Variants in PLPP4 observed in about 807,000 individuals in gnomAD.
PLPP4 encodes the protein diacylglycerol pyrophosphate like 2.
A neutral mutation model predicts 32.2 loss-of-function variants in PLPP4; 20 were observed. The ratio of observed to expected loss-of-function variants is 0.62; its 90% CI spans 0.44 to 0.90. The LOEUF (loss-of-function observed/expected upper bound fraction) is 0.90, where lower values mean the gene tolerates loss of function less well. Among genes scored for constraint, PLPP4 ranks in the 40% least tolerant of loss-of-function variants. The probability of loss-of-function intolerance (pLI) is 0.00; values close to 1 mark genes in which losing one functional copy is unlikely to be tolerated. For missense variants in PLPP4, 257 were observed against 353.1 expected, an observed-to-expected ratio of 0.73 and a Z score of 2.18; for synonymous variants, 127 against 133.0, an observed-to-expected ratio of 0.95 and a Z score of 0.31.
At chr10:120,545,629 G>A (rs1207366785) in intron 5 of PLPP4, among the ~76,000 whole-genome samples, 3 of 152,184 alleles carry the variant, frequency 2.0e-5, no homozygotes, top group South Asian at 2.1e-4. Context: ...CAGAAGTGGG[G>A]TCCTGAATGT....
chr10:120,509,224 A>G (rs560160544), intron 2 of PLPP4, among the ~76,000 whole-genome samples: 1 of 152,348 alleles, frequency 6.6e-6, no homozygotes, highest in East Asian at 1.9e-4. Flanking sequence ...TGCCAATAAT[A>G]CTTGCCATGG....
chr10:120,500,825 A>G (rs1589773427), intron 1 of PLPP4, among the ~76,000 whole-genome samples: 1 of 152,310 alleles, frequency 6.6e-6, no homozygotes, highest in Non-Finnish European at 1.5e-5. Context: ...CTTACAAACA[A>G]GATCATTGAC....
intron 5 of PLPP4, 83 bp downstream of exon 5, chr10:120,521,178 G>A (rs1050379615): frequency 2.0e-6 from 3 of 1,528,336 alleles, no homozygotes; most frequent in South Asian, 1.2e-5. Flanking sequence ...GCAGAGAAAA[G>A]CACTGGTACA....
At chr10:120,580,359 T>C (rs959597399) in intron 6 of PLPP4, among the ~76,000 whole-genome samples, 8 of 152,110 alleles carry the variant, frequency 5.3e-5, no homozygotes, top group African/African-American at 1.9e-4. Flanking sequence ...GTCATGGCAA[T>C]TGTCAACTGT....
At chr10:120,505,879 A>G (rs1845466626) in intron 2 of PLPP4, among the ~76,000 whole-genome samples, 1 of 152,228 alleles carries the variant, frequency 6.6e-6, no homozygotes, top group African/African-American at 2.4e-5. Context: ...GCTTCTATTT[A>G]TCAGTTACTC....
chr10:120,514,331 C>T (rs1252485930), intron 3 of PLPP4, among the ~76,000 whole-genome samples: 2 of 152,188 alleles, frequency 1.3e-5, no homozygotes, highest in Non-Finnish European at 2.9e-5. Flanking sequence ...TTTGTTGCCT[C>T]TGACTGTCCA....
intron 1 of PLPP4, among the ~76,000 whole-genome samples, chr10:120,468,084 C>T (rs115281947): frequency 0.021 from 1,358 of 64,936 alleles, 435 homozygotes; most frequent in African/African-American, 0.043. Flanking sequence ...TTGTTGTGGC[C>T]GCATAGTAGT....
At chr10:120,519,142 T>C (rs1846051161) in intron 4 of PLPP4, among the ~76,000 whole-genome samples, 2 of 152,224 alleles carry the variant, frequency 1.3e-5, no homozygotes, top group South Asian at 4.1e-4. Flanking sequence ...CAAAGCTTAC[T>C]GCTGGCATTT....
At chr10:120,461,425 A>G (rs1848042314) in intron 1 of PLPP4, among the ~76,000 whole-genome samples, 1 of 152,180 alleles carries the variant, frequency 6.6e-6, no homozygotes, top group Non-Finnish European at 1.5e-5. Flanking sequence ...TTTCACTTGT[A>G]GGCTTGAGTT....
chr10:120,478,520 A>G (rs547975017), intron 1 of PLPP4, among the ~76,000 whole-genome samples: 2 of 152,386 alleles, frequency 1.3e-5, no homozygotes, highest in Middle Eastern at 3.4e-3. Flanking sequence ...TATGATACAC[A>G]GAGAAAATGG....
At chr10:120,466,469 T>C (rs1275765396) in intron 1 of PLPP4, among the ~76,000 whole-genome samples, 3 of 152,046 alleles carry the variant, frequency 2.0e-5, no homozygotes, top group African/African-American at 4.8e-5. Context: ...CAAAAACGTA[T>C]TCAACAAAAA....
intron 1 of PLPP4, among the ~76,000 whole-genome samples, chr10:120,471,271 T>C (rs1848506097): frequency 1.3e-5 from 2 of 152,174 alleles, no homozygotes; most frequent in Admixed American, 1.3e-4. Flanking sequence ...TATTTTGTGT[T>C]ATTAAAACCA....
At chr10:120,489,099 T>A (rs1339047873) in intron 1 of PLPP4, among the ~76,000 whole-genome samples, 1 of 152,218 alleles carries the variant, frequency 6.6e-6, no homozygotes. Flanking sequence ...TCTCATTTAC[T>A]GCATGAATAA....
chr10:120,553,821 A>T (rs1016016974), intron 5 of PLPP4, among the ~76,000 whole-genome samples: 5 of 152,176 alleles, frequency 3.3e-5, no homozygotes, highest in Admixed American at 3.3e-4. Flanking sequence ...TCCCCAGGTT[A>T]CTCAGGGCAG....
Position 120,457,321 on chromosome 10 carries a change from A to C in PLPP4, c.16A>C (p.Ile6Leu). Residue 6 changes from isoleucine to leucine, a missense_variant, in exon 1 of 7, where the codon ATT (isoleucine) becomes CTT (leucine). Ile to Leu is a conservative substitution (Grantham distance 5). Transcript: ENST00000398250. MRELA[I>L]EIGVRALLFG... ...CGGCCGCACCATGCGGGAGCTGGCC[A>C]TTGAGATCGGGGTGCGAGCCCTGCT... 1 of 1,533,072 alleles carries C rather than the reference A, an allele frequency of 6.5e-7. No individual in the cohort carries two copies. Among genetic ancestry groups the C allele is most frequent in the Non-Finnish European group, 8.8e-7 (1 of 1,138,734 alleles). The allele number at this position is 1,533,072 out of a possible 1,614,324, so 95.0% of individuals were successfully genotyped here. A position where few individuals can be genotyped will look rare whatever the true frequency, so the allele number is the denominator to read the frequency against.
intron 1 of PLPP4, among the ~76,000 whole-genome samples, chr10:120,469,881 A>C (rs1418117900): frequency 6.6e-6 from 1 of 152,186 alleles, no homozygotes; most frequent in Non-Finnish European, 1.5e-5. Flanking sequence ...GTATTAACCT[A>C]TTCATGGAAT....
chr10:120,586,615 A>G (rs1430928953), intron 6 of PLPP4, among the ~76,000 whole-genome samples: 1 of 152,170 alleles, frequency 6.6e-6, no homozygotes. Flanking sequence ...GGCATGCCCA[A>G]AAACACACAG....
At chr10:120,579,273 A>C (rs1009137945) in intron 6 of PLPP4, among the ~76,000 whole-genome samples, 2 of 152,164 alleles carry the variant, frequency 1.3e-5, no homozygotes, top group African/African-American at 4.8e-5. Flanking sequence ...TTTCATTATA[A>C]GAAAGAACAT....
At chr10:120,535,335 A>G (rs1427463197) in intron 5 of PLPP4, among the ~76,000 whole-genome samples, 1 of 151,830 alleles carries the variant, frequency 6.6e-6, no homozygotes, top group Non-Finnish European at 1.5e-5. Flanking sequence ...AACATATGAA[A>G]TTTTACTCTC....
Sources: allele counts gnomAD v4.1 joint callset (sites outside exome capture counted in the v4.1 genomes callset), GRCh38; gene constraint gnomAD v4.1.1; transcripts MANE v1.5; gene names NCBI Gene and HGNC (gene_info 2026-07-23, HGNC 2026-07-21).